The following BRCC3 variants were observed in gnomAD, a reference collection of about 807,000 sequenced individuals.
The protein encoded by BRCC3 is lys-63-specific deubiquitinase BRCC36.
Under a neutral mutation model 28.0 loss-of-function variants are expected in BRCC3, and 15 were observed. That is an observed-to-expected ratio of 0.54 (90% confidence interval 0.36 to 0.82). The LOEUF is 0.82. BRCC3 is among the 40% of genes least tolerant of loss of function. BRCC3 has a pLI of 0.01. For missense variants in BRCC3, 109 were observed against 225.9 expected, an observed-to-expected ratio of 0.48 and a Z score of 3.32; for synonymous variants, 66 against 80.3, an observed-to-expected ratio of 0.82 and a Z score of 0.95.
intron 7 of BRCC3, chrX:155,099,503 G>A: frequency 9.6e-7 from 1 of 1,043,137 alleles, no homozygotes; most frequent in Non-Finnish European, 1.3e-6. Flanking sequence ...ACTCAGTCAA[G>A]TGGCCATACC....
Position 155,077,353 on chromosome X carries a change from G to C in BRCC3, c.315+64G>C, listed in dbSNP as rs2074052659. ...GGGTTCCTGGGCCGCATTGCTGCTT[G>C]CTGCAGTCATCCTGCTTTAGGTGGT... On this transcript the variant is annotated intron_variant, in intron 4 of 10. Coordinates refer to ENST00000330045, the MANE Select transcript of BRCC3 (RefSeq NM_001018055.3). The C allele has an allele frequency of 2.9e-6, 3 of 1,028,828 alleles. No individual in the cohort carries two copies. The African/African-American group carries it at 5.7e-5, about 20-fold the overall frequency. 84.8% of individuals were successfully genotyped at this position (1,028,828 alleles called of 1,213,427 possible).
intron 3 of BRCC3, among the ~76,000 whole-genome samples, chrX:155,074,272 G>C (rs781977556): frequency 8.9e-6 from 1 of 112,000 alleles, no homozygotes; most frequent in Non-Finnish European, 1.9e-5. Context: ...TCTTAATCCC[G>C]TATCTTCCTG....
At chrX:155,080,303 C>T (rs1557294048) in intron 5 of BRCC3, among the ~76,000 whole-genome samples, 1 of 111,012 alleles carries the variant, frequency 9.0e-6, no homozygotes, top group African/African-American at 3.3e-5. Flanking sequence ...AGGAAAAATA[C>T]CTTATAAGTA....
chrX:155,089,542 C>T (rs1181036257), intron 6 of BRCC3, among the ~76,000 whole-genome samples, 191 bp downstream of exon 6: 2 of 111,418 alleles, frequency 1.8e-5, no homozygotes, highest in Non-Finnish European at 3.8e-5. Context: ...GGGGAAAGAA[C>T]GTTCCAGGCA....
At chrX:155,072,569 G>A (rs187419584) in intron 2 of BRCC3, among the ~76,000 whole-genome samples, 15 of 111,088 alleles carry the variant, frequency 1.4e-4, no homozygotes, top group African/African-American at 4.6e-4. Context: ...TAATTGTTGC[G>A]TTTTAGGGGT....
At chrX:155,119,894 T>C in intron 9 of BRCC3, 105 bp from the exon 10 acceptor site, 1 of 681,540 alleles carries the variant, frequency 1.5e-6, no homozygotes, top group Middle Eastern at 5.1e-4. Context: ...CTCCAACCCC[T>C]TCTTTCTGTG....
chrX:155,098,686 T>C (rs2074226752), intron 7 of BRCC3, among the ~76,000 whole-genome samples: 1 of 112,787 alleles, frequency 8.9e-6, no homozygotes, highest in Non-Finnish European at 1.9e-5. Context: ...TGTCTTTACT[T>C]CAAGAGTTTG....
At position 155,089,868 on chromosome X, in the gene BRCC3, A is replaced by C. The variant is rs782490993; in HGVS notation, c.492+517A>C. On this transcript the variant is annotated intron_variant, in intron 6 of 10. Transcript: ENST00000330045. ...TCTCTGGCTTCTGTGTAGACTGAAC[A>C]GTGGGCAGAGGGTGTGGGTGGAATC... Among the ~76,000 whole-genome samples the C allele has an allele frequency of 2.7e-5, 3 of 111,874 alleles. No individual in the cohort carries two copies. In the South Asian group the frequency reaches 1.1e-3, roughly 42 times the overall value.
chrX:155,118,172 A>C (rs1415726678), intron 9 of BRCC3, among the ~76,000 whole-genome samples: 3 of 112,323 alleles, frequency 2.7e-5, no homozygotes, highest in African/African-American at 9.7e-5. Flanking sequence ...GAAACAACAC[A>C]AATGTGTATC....
rs974501952 is a variant in BRCC3 at position 155,121,341 on chromosome X, T to C, written c.*137T>C. 4 of 111,740 alleles carry C rather than the reference T, an allele frequency of 3.6e-5. No homozygotes were observed. Among genetic ancestry groups the C allele is most frequent in the African/African-American group, 1.3e-4 (4 of 30,726 alleles). The allele number at this position is 111,740 out of a possible 1,213,427, so 9.2% of individuals were successfully genotyped here. A position where few individuals can be genotyped will look rare whatever the true frequency, so the allele number is the denominator to read the frequency against. Reference sequence around the variant, plus strand: ...TACTATAAAGCTATAGTAATCAAGATAGATGGTATTGGCAGAGGAACAGAC... The same window carrying C: ...TACTATAAAGCTATAGTAATCAAGACAGATGGTATTGGCAGAGGAACAGAC... On this transcript the variant is annotated 3_prime_UTR_variant, in exon 11 of 11. Coordinates refer to ENST00000330045, the MANE Select transcript of BRCC3 (RefSeq NM_001018055.3).
At chrX:155,098,697 C>G (rs1203874649) in intron 7 of BRCC3, among the ~76,000 whole-genome samples, 1 of 112,653 alleles carries the variant, frequency 8.9e-6, no homozygotes, top group African/African-American at 3.2e-5. Context: ...CAAGAGTTTG[C>G]TGATCCCTGA....
intron 5 of BRCC3, among the ~76,000 whole-genome samples, chrX:155,083,173 A>G (rs781874183): frequency 8.9e-6 from 1 of 112,577 alleles, no homozygotes; most frequent in Non-Finnish European, 1.9e-5. Flanking sequence ...CATTTGTTGA[A>G]CAGATACCGA....
intron 7 of BRCC3, 43 bp from the exon 8 acceptor site, chrX:155,116,014 C>A: frequency 8.5e-7 from 1 of 1,180,212 alleles, no homozygotes; most frequent in Non-Finnish European, 1.1e-6. Flanking sequence ...CTGATTATAA[C>A]AACTCAGGGT....
chrX:155,072,514 C>T (rs1461964716), intron 2 of BRCC3, among the ~76,000 whole-genome samples, 171 bp downstream of exon 2: 1 of 111,436 alleles, frequency 9.0e-6, no homozygotes. Context: ...GCCTTACCTC[C>T]TATTCAGTTG....
chrX:155,082,168 A>G (rs1557294248), intron 5 of BRCC3, among the ~76,000 whole-genome samples: 2 of 112,201 alleles, frequency 1.8e-5, no homozygotes, highest in East Asian at 5.5e-4. Flanking sequence ...GTGAGAGAAG[A>G]TAGGTCATTT....
intron 7 of BRCC3, chrX:155,099,230 C>A: frequency 2.3e-6 from 2 of 876,820 alleles, no homozygotes; most frequent in East Asian, 4.3e-5. Context: ...AGATGGATAT[C>A]AGGTCTCAGG....
chrX:155,092,081 T>C (rs1215537745), intron 7 of BRCC3, among the ~76,000 whole-genome samples: 8 of 112,248 alleles, frequency 7.1e-5, no homozygotes. Context: ...AGTTCTTCTG[T>C]TACTTTGATA....
intron 9 of BRCC3, among the ~76,000 whole-genome samples, chrX:155,119,037 T>A (rs1470659912): frequency 9.0e-6 from 1 of 111,609 alleles, no homozygotes. Context: ...AAGAATAATG[T>A]GAAACCCTGA....
intron 7 of BRCC3, among the ~76,000 whole-genome samples, chrX:155,101,982 A>G (rs2074249654): frequency 8.9e-6 from 1 of 112,533 alleles, no homozygotes; most frequent in Admixed American, 9.4e-5. Context: ...ATGTCACAGC[A>G]TGTATCAATA....
Sources: gnomAD v4.1 joint callset for allele counts (sites outside exome capture counted in the v4.1 genomes callset) on GRCh38, gnomAD v4.1.1 for gene constraint, MANE v1.5 for transcripts, NCBI Gene and HGNC (gene_info 2026-07-23, HGNC 2026-07-21) for gene names.